SFMBT1: variants seen among roughly 807,000 people sequenced by gnomAD.
SFMBT1 encodes scm-like with four MBT domains protein 1.
Under a neutral mutation model 108.7 loss-of-function variants are expected in SFMBT1, and 32 were observed. That is an observed-to-expected ratio of 0.29 (90% CI 0.22 to 0.40). The LOEUF is 0.40. Among genes scored for constraint, SFMBT1 ranks in the 10% least tolerant of loss-of-function variants. SFMBT1 has a pLI of 1.00. For missense variants in SFMBT1, 816 were observed against 1,059.6 expected (o/e 0.77, Z 3.19); for synonymous variants, 348 against 369.5 (o/e 0.94, Z 0.67).
chr3:52,964,092 C>T (rs1272016524), intron 2 of SFMBT1, among the ~76,000 whole-genome samples: 2 of 152,220 alleles, frequency 1.3e-5, no homozygotes, highest in African/African-American at 4.8e-5. Context: ...GCTCAAGCCA[C>T]CTCAGCCTCC....
intron 1 of SFMBT1, among the ~76,000 whole-genome samples, chr3:53,005,994 G>C (rs1460118031): frequency 6.6e-6 from 1 of 152,214 alleles, no homozygotes; most frequent in African/African-American, 2.4e-5. Context: ...GAAGGATGAG[G>C]AGGAGCAGTC....
chr3:52,946,644 T>C (rs1247362156), intron 3 of SFMBT1, among the ~76,000 whole-genome samples: 1 of 152,238 alleles, frequency 6.6e-6, no homozygotes, highest in Non-Finnish European at 1.5e-5. Flanking sequence ...AATGATGCCA[T>C]AAACATTTTT....
In SFMBT1 at chr3:53,045,905, T is replaced by TC; in HGVS notation, c.-221dup. On this transcript the variant is annotated 5_prime_UTR_variant, in exon 1 of 21. An upstream open reading frame in the 5' UTR loses its in-frame stop. Transcript: ENST00000394752. ...TCTTTCTTTCTTTCCGTCTTTTCGCTCCCCCGCGCGGAAGCTTTTTCCTCC... is the reference window on the plus strand; with the variant it reads ...TCTTTCTTTCTTTCCGTCTTTTCGCTCCCCCCGCGCGGAAGCTTTTTCCTCC... The TC allele has an allele frequency of 6.7e-6, 1 of 149,902 alleles. No individual in the cohort carries two copies. Among genetic ancestry groups the TC allele is most frequent in the Non-Finnish European group, 1.5e-5 (1 of 67,436 alleles). The allele number at this position is 149,902 out of a possible 1,614,324, so 9.3% of individuals were successfully genotyped here.
chr3:52,913,746 T>C, intron 14 of SFMBT1, 129 bp from the exon 15 acceptor site: 1 of 987,544 alleles, frequency 1.0e-6, no homozygotes, highest in East Asian at 2.6e-5. Context: ...GAATTACTTA[T>C]TTTGAAGCTT....
intron 1 of SFMBT1, among the ~76,000 whole-genome samples, chr3:52,983,069 A>G (rs1237764142): frequency 6.6e-6 from 1 of 152,164 alleles, no homozygotes; most frequent in African/African-American, 2.4e-5. Flanking sequence ...CTATAATGTT[A>G]TTTCTGAAAA....
At chr3:52,970,941 C>T (rs1704320971) in intron 1 of SFMBT1, among the ~76,000 whole-genome samples, 1 of 152,124 alleles carries the variant, frequency 6.6e-6, no homozygotes, top group Non-Finnish European at 1.5e-5. Flanking sequence ...AAAGACCAGC[C>T]TGGGCAACAC....
At chr3:52,941,617 A>AAAAAAG (rs55832866) in intron 4 of SFMBT1, among the ~76,000 whole-genome samples, 4 of 146,286 alleles carry the variant, frequency 2.7e-5, no homozygotes, top group Non-Finnish European at 4.5e-5. Context: ...AAAAAAAAAA[A>AAAAAAG]GTTATTGGGC....
intron 1 of SFMBT1, among the ~76,000 whole-genome samples, chr3:53,029,037 G>A (rs1433821175): frequency 6.6e-6 from 1 of 151,984 alleles, no homozygotes; most frequent in African/African-American, 2.4e-5. Context: ...GCCAGGCATG[G>A]TGGCGGGCGC....
rs1559544877 is a variant in SFMBT1 at position 53,001,972 on chromosome 3, C to CACACACACAT, written c.-130-32715_-130-32714insATGTGTGTGT. Among the ~76,000 whole-genome samples the CACACACACAT allele has an allele frequency of 3.6e-5, 5 of 139,772 alleles. 1 individual carries two copies. Among genetic ancestry groups the CACACACACAT allele is most frequent in the Non-Finnish European group, 7.9e-5 (5 of 62,900 alleles). 91.7% of individuals were successfully genotyped at this position (139,772 alleles called of 152,430 possible). A position where few individuals can be genotyped will look rare whatever the true frequency, so the allele number is the denominator to read the frequency against. On this transcript the variant is annotated intron_variant, in intron 1 of 20. Transcript: ENST00000394752. ...ACACACACACACACACACACACACA[C>CACACACACAT]ATAAATGAAAGATTACTGCCTGTTT...
intron 2 of SFMBT1, among the ~76,000 whole-genome samples, chr3:52,959,255 C>T (rs1174798186): frequency 6.6e-6 from 1 of 152,130 alleles, no homozygotes; most frequent in Non-Finnish European, 1.5e-5. Context: ...ACCTGCACAT[C>T]CTGCACATGT....
intron 14 of SFMBT1, among the ~76,000 whole-genome samples, chr3:52,915,240 G>A (rs955477497): frequency 1.3e-5 from 2 of 152,152 alleles, no homozygotes; most frequent in African/African-American, 4.8e-5. Flanking sequence ...TGTTTCCCAG[G>A]GAACCTGACC....
intron 18 of SFMBT1, 76 bp from the exon 19 acceptor site, chr3:52,907,390 T>C (rs1702092159): frequency 4.6e-6 from 7 of 1,532,318 alleles, no homozygotes; most frequent in Middle Eastern, 1.8e-4. Context: ...AAAAAAATAA[T>C]AAAGAAAGAA....
chr3:52,978,855 A>G (rs193121239), intron 1 of SFMBT1, among the ~76,000 whole-genome samples: 1 of 152,202 alleles, frequency 6.6e-6, no homozygotes, highest in Non-Finnish European at 1.5e-5. Context: ...GATAGACACT[A>G]AAGGCCACAT....
intron 1 of SFMBT1, among the ~76,000 whole-genome samples, chr3:52,991,033 T>C (rs1467679465): frequency 6.6e-6 from 1 of 152,062 alleles, no homozygotes; most frequent in Non-Finnish European, 1.5e-5. Context: ...GTCTGCATAG[T>C]ATCTTCAGCA....
chr3:52,986,009 A>C (rs568170806), intron 1 of SFMBT1, among the ~76,000 whole-genome samples: 1 of 151,756 alleles, frequency 6.6e-6, no homozygotes, highest in Non-Finnish European at 1.5e-5. Context: ...TCGGTGTGGT[A>C]GTGGGCGCCT....
intron 1 of SFMBT1, among the ~76,000 whole-genome samples, chr3:53,030,524 C>T (rs1022266450): frequency 5.9e-5 from 9 of 151,688 alleles, no homozygotes; most frequent in African/African-American, 2.2e-4. Context: ...AAAAGTAATG[C>T]CTATTAAAAG....
intron 1 of SFMBT1, among the ~76,000 whole-genome samples, chr3:53,003,365 T>C (rs1698626157): frequency 6.7e-6 from 1 of 149,826 alleles, no homozygotes; most frequent in Admixed American, 6.8e-5. Context: ...GCTTAAAAAG[T>C]CATCATTTTA....
At chr3:52,922,283 C>T (rs7652175) in intron 10 of SFMBT1, among the ~76,000 whole-genome samples, 147,939 of 152,276 alleles carry the variant, frequency 0.97, 72,017 homozygotes, top group Middle Eastern at 1. Flanking sequence ...TTCATACTTG[C>T]ATGTGTATCA....
At chr3:52,956,172 T>C (rs987614952) in intron 2 of SFMBT1, among the ~76,000 whole-genome samples, 2 of 152,160 alleles carry the variant, frequency 1.3e-5, no homozygotes, top group Non-Finnish European at 2.9e-5. Flanking sequence ...TGTTAAAAAC[T>C]CTCAGTAGGC....
Sources: allele counts gnomAD v4.1 joint callset (sites outside exome capture counted in the v4.1 genomes callset), GRCh38; gene constraint gnomAD v4.1.1; transcripts MANE v1.5; gene names NCBI Gene and HGNC (gene_info 2026-07-23, HGNC 2026-07-21).